The following ADARB2 variants were observed in gnomAD, a reference collection of about 807,000 sequenced individuals.
ADARB2 encodes adenosine deaminase RNA specific B2 (inactive), also known as inactive double-stranded RNA-specific editase B2.
In ADARB2, 25 loss-of-function variants were observed where a neutral mutation model predicts 62.2. That is an observed-to-expected ratio of 0.40 (90% CI 0.29 to 0.56). ADARB2 has a LOEUF of 0.56. ADARB2 is among the 20% of genes least tolerant of loss of function. The probability of loss-of-function intolerance (pLI) is 0.43; values close to 1 mark genes in which losing one functional copy is unlikely to be tolerated. For missense variants in ADARB2, 1,071 were observed against 1,077.4 expected (o/e 0.99, Z 0.08); for synonymous variants, 572 against 500.8 (o/e 1.14, Z -1.90).
intron 1 of ADARB2, among the ~76,000 whole-genome samples, chr10:1,393,980 T>C (rs1027969187): frequency 6.6e-6 from 1 of 152,210 alleles, no homozygotes; most frequent in Admixed American, 6.5e-5. Context: ...GCTGCAGAAG[T>C]TGCCTGACAT....
At chr10:1,445,240 C>A (rs1295781234) in intron 1 of ADARB2, among the ~76,000 whole-genome samples, 2 of 150,602 alleles carry the variant, frequency 1.3e-5, no homozygotes, top group Non-Finnish European at 3.0e-5. Flanking sequence ...CACCACCCAT[C>A]CATCTACATC....
chr10:1,485,625 G>A (rs1000164247), intron 1 of ADARB2, among the ~76,000 whole-genome samples: 3 of 152,316 alleles, frequency 2.0e-5, no homozygotes, highest in Admixed American at 1.3e-4. Flanking sequence ...TGATCCACAA[G>A]GCTGAAACAC....
At chr10:1,327,287 TGCCCAGCGCCTCCCCACG>T (rs1831872149) in intron 3 of ADARB2, among the ~76,000 whole-genome samples, 4 of 48,096 alleles carry the variant, frequency 8.3e-5, no homozygotes, top group African/African-American at 3.4e-4. Context: ...GCCTCCTCAC[TGCCCAGCGCCTCCCCACG>T]GCACAGCACC....
intron 1 of ADARB2, among the ~76,000 whole-genome samples, chr10:1,510,144 CTTTCTTTCTTTCTTTCTTTCTTTCTT>C (rs1831915022): frequency 7.2e-5 from 9 of 125,184 alleles, no homozygotes; most frequent in African/African-American, 1.3e-4. Flanking sequence ...TTCTTTCTTT[CTTTCTTTCTTTCTTTCTTTCTTTCTT>C]TTTCTTTCTT....
intron 1 of ADARB2, among the ~76,000 whole-genome samples, chr10:1,473,136 C>T (rs1054818087): frequency 1.3e-4 from 20 of 152,172 alleles, no homozygotes; most frequent in African/African-American, 4.1e-4. Flanking sequence ...ACCACGCACC[C>T]GTCCTTTGGA....
chr10:1,481,498 G>T (rs1042383947), intron 1 of ADARB2, among the ~76,000 whole-genome samples: 3 of 152,176 alleles, frequency 2.0e-5, no homozygotes, highest in Non-Finnish European at 4.4e-5. Context: ...ACACCATCAA[G>T]GGAGTGAAAT....
chr10:1,410,990 G>A (rs1469872432), intron 1 of ADARB2, among the ~76,000 whole-genome samples: 2 of 152,218 alleles, frequency 1.3e-5, no homozygotes, highest in Non-Finnish European at 2.9e-5. Flanking sequence ...TTGGTGCAGA[G>A]CAGGAAGACC....
chr10:1,453,047 C>T (rs1487620551), intron 1 of ADARB2, among the ~76,000 whole-genome samples: 1 of 152,176 alleles, frequency 6.6e-6, no homozygotes, highest in Non-Finnish European at 1.5e-5. Context: ...ATTGGGGCCA[C>T]ACTTTGAGGA....
intron 1 of ADARB2, among the ~76,000 whole-genome samples, chr10:1,640,400 T>G (rs6560750): frequency 0.75 from 114,510 of 152,114 alleles, 45,952 homozygotes; most frequent in Non-Finnish European, 0.9. Flanking sequence ...TAAACAGAAC[T>G]AATTCTACCT....
At chr10:1,585,902 C>T (rs552863970) in intron 1 of ADARB2, among the ~76,000 whole-genome samples, 54 of 152,184 alleles carry the variant, frequency 3.5e-4, no homozygotes, top group South Asian at 2.7e-3. Flanking sequence ...GGTGGGGTGG[C>T]GGGCGGCTGT....
intron 3 of ADARB2, among the ~76,000 whole-genome samples, chr10:1,352,425 C>A (rs1045460166): frequency 1.9e-4 from 29 of 152,198 alleles, no homozygotes; most frequent in African/African-American, 6.8e-4. Context: ...ACTGCCGCCA[C>A]CCTAGCTCTC....
rs557677697 is a variant in ADARB2 at position 1,185,308 on chromosome 10, G to A, written c.1865-269C>T. 4.6e-5 allele frequency among the ~76,000 whole-genome samples: 7 copies of A among 152,314 alleles called. No homozygotes were observed. The South Asian group carries it at 1.2e-3, about 27-fold the overall frequency. On this transcript the variant is annotated intron_variant, in intron 8 of 9. Coordinates refer to ENST00000381312, the MANE Select transcript of ADARB2 (RefSeq NM_018702.4). ...AATAGTCTGGTGATAATATAGCTCCGTCCAGATTCCCCCCCCTTCTGTAAA... is the reference window on the plus strand; with the variant it reads ...AATAGTCTGGTGATAATATAGCTCCATCCAGATTCCCCCCCCTTCTGTAAA...
chr10:1,651,575 A>C (rs1460196124), intron 1 of ADARB2, among the ~76,000 whole-genome samples: 1 of 152,260 alleles, frequency 6.6e-6, no homozygotes, highest in Non-Finnish European at 1.5e-5. Context: ...ACCTCAGCAC[A>C]CTAGTCCCTT....
chr10:1,418,789 C>A (rs1832827663), intron 1 of ADARB2, among the ~76,000 whole-genome samples: 1 of 151,174 alleles, frequency 6.6e-6, no homozygotes, highest in Non-Finnish European at 1.5e-5. Context: ...TCAGCAAATA[C>A]ATCAAGCCTT....
At chr10:1,195,297 G>A (rs1186720398) in intron 8 of ADARB2, among the ~76,000 whole-genome samples, 1 of 152,036 alleles carries the variant, frequency 6.6e-6, no homozygotes, top group Non-Finnish European at 1.5e-5. Flanking sequence ...CCATCCTCAG[G>A]GTTTGTGGTG....
At chr10:1,628,588 T>C (rs1833801840) in intron 1 of ADARB2, among the ~76,000 whole-genome samples, 1 of 152,242 alleles carries the variant, frequency 6.6e-6, no homozygotes, top group Non-Finnish European at 1.5e-5. Context: ...CACTAGAGAC[T>C]CAGCTGTCTA....
chr10:1,572,535 C>T (rs1157035155), intron 1 of ADARB2, among the ~76,000 whole-genome samples: 2 of 152,184 alleles, frequency 1.3e-5, no homozygotes, highest in African/African-American at 4.8e-5. Context: ...ATAGAAGAGA[C>T]AAGTGCCCAA....
chr10:1,310,096 CTA>C (rs1463895394), intron 3 of ADARB2, among the ~76,000 whole-genome samples: 1 of 152,230 alleles, frequency 6.6e-6, no homozygotes, highest in Non-Finnish European at 1.5e-5. Context: ...ACCAAAGTCT[CTA>C]TGATTTCCTG....
Position 1,566,063 on chromosome 10 carries a change from CAAAAAAAAAAAAAAA to C in ADARB2, c.100+170973_100+170987del, listed in dbSNP as rs376967105. 3.4e-4 allele frequency among the ~76,000 whole-genome samples: 44 copies of C among 128,054 alleles called. 3 individuals are homozygous for C. Among genetic ancestry groups the C allele is most frequent in the East Asian group, 1.1e-3 (5 of 4,706 alleles). The allele number at this position is 128,054 out of a possible 152,430, so 84.0% of individuals were successfully genotyped here. On this transcript the variant is annotated intron_variant, in intron 1 of 9. Transcript: ENST00000381312. Reference sequence around the variant, plus strand: ...CTCCTCTAGGTTGAGCTCAGTCTAGCAAAAAAAAAAAAAAAAAAAAAAAAAAAAAAAAAAAAAAAA... The same window carrying C: ...CTCCTCTAGGTTGAGCTCAGTCTAGCAAAAAAAAAAAAAAAAAAAAAAAAA...
Sources: gnomAD v4.1 joint callset for allele counts (sites outside exome capture counted in the v4.1 genomes callset) on GRCh38, gnomAD v4.1.1 for gene constraint, MANE v1.5 for transcripts, NCBI Gene and HGNC (gene_info 2026-07-23, HGNC 2026-07-21) for gene names.